Variants in KLHDC10 observed in about 807,000 individuals in gnomAD.
KLHDC10 encodes the protein kelch domain containing 10, also known as kelch domain-containing protein 10.
Under a neutral mutation model 56.1 loss-of-function variants are expected in KLHDC10, and 24 were observed. That is an observed-to-expected ratio of 0.43 (90% CI 0.31 to 0.60). The LOEUF (loss-of-function observed/expected upper bound fraction) is 0.60. Among genes scored for constraint, KLHDC10 ranks in the 20% least tolerant of loss-of-function variants. The pLI is 0.11. For missense variants in KLHDC10, 349 were observed against 567.0 expected (o/e 0.62, Z 3.91); for synonymous variants, 188 against 207.1 (o/e 0.91, Z 0.79).
In KLHDC10 at chr7:130,070,765, A is replaced by G; in HGVS notation, c.122A>G (p.Gln41Arg). ...GGCAGCGGGGGTCGGGGGACTGGCC[A>G]GCTCAACCGCTTCGTGCAACTCTCC... is the stretch of plus-strand genomic sequence containing the variant. ...SGGSGGRGTG[Q>R]LNRFVQLSGR... Residue 41 changes from glutamine (Q) to arginine (R), a missense_variant, in exon 1 of 10, where the codon CAG becomes CGG. Around this residue, in one of 2 missense-constraint regions of KLHDC10, gnomAD observed 104 missense variants for 97.0 expected, o/e 1.07. Transcript: ENST00000335420. The G allele has an allele frequency of 2.3e-6, 3 of 1,308,644 alleles. No individual in the cohort carries two copies. Among genetic ancestry groups the G allele is most frequent in the African/African-American group, 3.0e-5 (2 of 66,442 alleles). 81.1% of individuals were successfully genotyped at this position (1,308,644 alleles called of 1,614,324 possible). A position where few individuals can be genotyped will look rare whatever the true frequency, so the allele number is the denominator to read the frequency against.
intron 2 of KLHDC10, among the ~76,000 whole-genome samples, chr7:130,114,833 G>A (rs1478226385): frequency 1.3e-5 from 2 of 151,944 alleles, no homozygotes; most frequent in African/African-American, 4.8e-5. Context: ...TAGGTAGGTA[G>A]ACTAGGCCAA....
At position 130,070,752 on chromosome 7, in the gene KLHDC10, C is replaced by T. The variant is rs1795395274; in HGVS notation, c.109C>T (p.Arg37Trp). The change falls in exon 1 of 10, where the codon CGG becomes TGG. Residue 37 changes from arginine (R) to tryptophan (W), a missense_variant. Physicochemically the swap from Arg to Trp is moderately radical, Grantham distance 101. Transcript: ENST00000335420. ...CGGGGGCAGTGGGGGCAGCGGGGGT[C>T]GGGGGACTGGCCAGCTCAACCGCTT... ...AGGGSGGSGG[R>W]GTGQLNRFVQ... 4.3e-6 allele frequency: 2 copies of T among 467,602 alleles called. No homozygotes were observed. The highest frequency in any genetic ancestry group is 6.4e-5 in the South Asian group (1 of 15,570). The allele number at this position is 467,602 out of a possible 1,614,324, so 29.0% of individuals were successfully genotyped here.
At chr7:130,114,975 C>A (rs1041619499) in intron 2 of KLHDC10, among the ~76,000 whole-genome samples, 3 of 152,090 alleles carry the variant, frequency 2.0e-5, no homozygotes, top group Non-Finnish European at 2.9e-5. Context: ...GAGGAACCAT[C>A]AAAGACTTTC....
rs1584633110 is a variant in KLHDC10 at position 130,110,224 on chromosome 7, C to T, written c.254-6221C>T. Among the ~76,000 whole-genome samples the T allele has an allele frequency of 2.6e-5, 4 of 152,318 alleles. No homozygotes were observed. The East Asian group carries it at 5.8e-4, about 22-fold the overall frequency. ...TGATGTTGATTGATTTGTCCCATTA[C>T]TGGTGATGTTAATTTTGATCACCTG... On this transcript the variant is annotated intron_variant, in intron 2 of 9. Transcript: ENST00000335420.
chr7:130,108,725 CAA>C (rs200535259), intron 2 of KLHDC10, among the ~76,000 whole-genome samples: 45 of 86,246 alleles, frequency 5.2e-4, no homozygotes, highest in East Asian at 1.3e-3. Flanking sequence ...CCATCTCAAA[CAA>C]AAAAAAAAAA....
At chr7:130,085,638 C>T (rs1010103599) in intron 1 of KLHDC10, among the ~76,000 whole-genome samples, 2 of 151,646 alleles carry the variant, frequency 1.3e-5, no homozygotes, top group Non-Finnish European at 2.9e-5. Flanking sequence ...AGTTCGAGAC[C>T]AGCCTGGTCA....
chr7:130,094,066 G>A (rs1003814323), intron 1 of KLHDC10, among the ~76,000 whole-genome samples: 1 of 152,016 alleles, frequency 6.6e-6, no homozygotes. Context: ...TGGGTTTACA[G>A]GCACCTGCCA....
chr7:130,084,359 T>C (rs948533811), intron 1 of KLHDC10, among the ~76,000 whole-genome samples: 3 of 152,168 alleles, frequency 2.0e-5, no homozygotes, highest in East Asian at 1.9e-4. Flanking sequence ...CCTAAAAAGA[T>C]TGTGGTGGCT....
Position 130,125,896 on chromosome 7 carries a change from G to T in KLHDC10, c.896G>T (p.Trp299Leu). Residue 299 changes from tryptophan to leucine, a missense_variant, in exon 7 of 10, where the codon TGG becomes TTG. Transcript: ENST00000335420. ...GCATACAACCTTGAAACGAATGCCTGGGAGGAAATTGCAACAAAACCCCAT... is the reference window on the plus strand; with the variant it reads ...GCATACAACCTTGAAACGAATGCCTTGGAGGAAATTGCAACAAAACCCCAT... ...IHAYNLETNAWEEIATKPHEK... is the reference protein window; with the variant it reads ...IHAYNLETNALEEIATKPHEK... The T allele has an allele frequency of 6.2e-7, 1 of 1,601,784 alleles. No individual in the cohort carries two copies. Among genetic ancestry groups the T allele is most frequent in the Non-Finnish European group, 8.5e-7 (1 of 1,176,746 alleles).
At chr7:130,071,730 T>C (rs1374840375) in intron 1 of KLHDC10, among the ~76,000 whole-genome samples, 1 of 152,220 alleles carries the variant, frequency 6.6e-6, no homozygotes, top group Admixed American at 6.5e-5. Context: ...AGGAATGATG[T>C]GTTAATTATT....
At chr7:130,122,251 A>G (rs376992045) in intron 5 of KLHDC10, 49 bp downstream of exon 5, 7 of 1,587,166 alleles carry the variant, frequency 4.4e-6, no homozygotes, top group African/African-American at 1.3e-5. Context: ...CTAACATTTG[A>G]CCTCTTTCAG....
Position 130,130,827 on chromosome 7 carries a change from C to A in KLHDC10, c.*81C>A. On this transcript the variant is annotated 3_prime_UTR_variant, in exon 10 of 10. Transcript: ENST00000335420. This position sits in a 1 kb window ranked among gnomAD's most constrained non-coding sequence, Gnocchi z 4.2. ...TTTATGGGCAGTGTAGAATGTGCTACAAAGAGGATTGGTTACCCTGATCAA... is the reference window on the plus strand; with the variant it reads ...TTTATGGGCAGTGTAGAATGTGCTAAAAAGAGGATTGGTTACCCTGATCAA... The A allele has an allele frequency of 7.4e-7, 1 of 1,358,468 alleles. No homozygotes were observed. The highest frequency in any genetic ancestry group is 1.0e-6 in the Non-Finnish European group (1 of 953,846). 84.2% of individuals were successfully genotyped at this position (1,358,468 alleles called of 1,614,324 possible).
intron 5 of KLHDC10, among the ~76,000 whole-genome samples, chr7:130,123,100 G>A (rs1041127590): frequency 1.4e-4 from 22 of 152,248 alleles, no homozygotes; most frequent in East Asian, 1.4e-3. Flanking sequence ...CTCAAACATC[G>A]CATGGTTCTC....
rs187990142 is a variant in KLHDC10, at chr7:130,078,441, T to A, written c.166+7632T>A. Reference sequence around the variant, plus strand: ...AGTCTTGCTATGTTGCCCAGGCTGATCTCAAACTCCTGGGCTCAAGTGATC... The same window carrying A: ...AGTCTTGCTATGTTGCCCAGGCTGAACTCAAACTCCTGGGCTCAAGTGATC... On this transcript the variant is annotated intron_variant, in intron 1 of 9. Transcript: ENST00000335420. 4.7e-3 allele frequency among the ~76,000 whole-genome samples: 722 copies of A among 152,266 alleles called. 7 individuals carry two copies. Among genetic ancestry groups the A allele is most frequent in the Non-Finnish European group, 8.1e-3 (552 of 68,020 alleles).
chr7:130,085,609 T>C (rs1013842038), intron 1 of KLHDC10, among the ~76,000 whole-genome samples: 5 of 151,372 alleles, frequency 3.3e-5, no homozygotes, highest in African/African-American at 1.2e-4. Context: ...CTGCGGTGGG[T>C]GGATCACCTG....
intron 1 of KLHDC10, among the ~76,000 whole-genome samples, chr7:130,077,379 A>AAAAC: frequency 6.7e-6 from 1 of 148,576 alleles, no homozygotes; most frequent in Admixed American, 6.7e-5. Context: ...AAAAAAAAAA[A>AAAAC]AAACAGTATA....
chr7:130,080,519 A>C (rs914193039), intron 1 of KLHDC10, among the ~76,000 whole-genome samples: 6 of 151,792 alleles, frequency 4.0e-5, no homozygotes, highest in African/African-American at 1.2e-4. Context: ...TAGCCACCTG[A>C]GTAGCTGGGA....
chr7:130,076,952 T>A (rs998596864), intron 1 of KLHDC10, among the ~76,000 whole-genome samples: 16 of 152,196 alleles, frequency 1.1e-4, no homozygotes, highest in African/African-American at 3.9e-4. Context: ...TCCTCTGTCC[T>A]GTTGGCATTT....
At position 130,130,998 on chromosome 7, in the gene KLHDC10, T is replaced by G. The variant is rs545611530; in HGVS notation, c.*252T>G. 129 of 429,996 alleles carry G rather than the reference T, an allele frequency of 3.0e-4. No individual in the cohort carries two copies. The highest frequency in any genetic ancestry group is 4.5e-4 in the Non-Finnish European group (106 of 235,536). The allele number at this position is 429,996 out of a possible 1,614,324, so 26.6% of individuals were successfully genotyped here. On this transcript the variant is annotated 3_prime_UTR_variant, in exon 10 of 10. Coordinates refer to ENST00000335420, the MANE Select transcript of KLHDC10 (RefSeq NM_014997.4). The surrounding 1 kb of genome is among the most constrained non-coding windows in gnomAD (Gnocchi z 4.2). ...ATGTACTCACATACTCCCTCTTCCT[T>G]CTCGATGGAGTTAAGGGAAAGCCTG...
Sources: allele counts gnomAD v4.1 joint callset (sites outside exome capture counted in the v4.1 genomes callset), GRCh38; gene constraint gnomAD v4.1.1; regional missense constraint gnomAD v4.1.1; non-coding constraint Gnocchi (gnomAD v3.1); transcripts MANE v1.5; gene names NCBI Gene and HGNC (gene_info 2026-07-23, HGNC 2026-07-21).